Variants in AIM2 observed in about 807,000 individuals in gnomAD.
AIM2 encodes absent in melanoma 2.
A neutral mutation model predicts 27.7 loss-of-function variants in AIM2; 30 were observed. The observed-to-expected ratio is 1.08, with a 90% CI of 0.81 to 1.47. The LOEUF is 1.47. Among genes scored for constraint, AIM2 ranks in the 40% most tolerant of loss-of-function variants. The pLI, the probability that AIM2 is intolerant of heterozygous loss-of-function variation, is 0.00. For missense variants in AIM2, 358 were observed against 411.3 expected (o/e 0.87, Z 1.12); for synonymous variants, 141 against 145.3 (o/e 0.97, Z 0.21).
intron 1 of AIM2, among the ~76,000 whole-genome samples, chr1:159,133,187 CTCTCTT>C (rs1300586178): frequency 7.2e-6 from 1 of 138,784 alleles, no homozygotes; most frequent in African/African-American, 3.5e-5. Context: ...CTCTCTCTCT[CTCTCTT>C]TCTCTCTCTC....
At chr1:159,062,005 T>C (rs1655854390), downstream of AIM2, among the ~76,000 whole-genome samples, 1 of 152,152 alleles carries the variant, frequency 6.6e-6, no homozygotes, top group African/African-American at 2.4e-5. Flanking sequence ...GTATAAAGAG[T>C]GAGGAATGGC....
rs763503584 is a variant in AIM2, at chr1:159,062,722, G to T, written c.1006-4C>A. On this transcript the variant is annotated splice_polypyrimidine_tract_variant and splice_region_variant and intron_variant, in intron 5 of 5. Transcript: ENST00000368130. ...TTTTTTTTTTGGCCTTAATAACCTG[G>T]ATGGAGAAAAAAAACATGCAGTCTG... 6.2e-7 allele frequency: 1 copy of T among 1,611,436 alleles called. No individual in the cohort carries two copies. The highest frequency in any genetic ancestry group is 1.1e-5 in the South Asian group (1 of 90,496).
At position 159,084,120 on chromosome 1, in the gene AIM2, G is replaced by A. The variant is rs566430756; in HGVS notation, c.-15-17791C>T. 1.3e-4 allele frequency among the ~76,000 whole-genome samples: 20 copies of A among 152,304 alleles called. No homozygotes were observed. The East Asian group carries it at 3.9e-3, about 29-fold the overall frequency. On this transcript the variant is annotated intron_variant, in intron 1 of 2. Transcript: ENST00000368129. ...AGAGTTTAAAGAAGTTAAGTCATTTGCTCAAGGGTACCCTGCTAGTATGTG... is the reference window on the plus strand; with the variant it reads ...AGAGTTTAAAGAAGTTAAGTCATTTACTCAAGGGTACCCTGCTAGTATGTG...
chr1:159,124,307 CCAAGATGAAA>C (rs1647624847), intron 1 of AIM2, among the ~76,000 whole-genome samples: 2 of 152,114 alleles, frequency 1.3e-5, no homozygotes, highest in African/African-American at 4.8e-5. Flanking sequence ...GATATGGACT[CCAAGATGAAA>C]ATGTTTTTTA....
At chr1:159,100,334 A>G (rs1455810898) in intron 1 of AIM2, among the ~76,000 whole-genome samples, 2 of 152,210 alleles carry the variant, frequency 1.3e-5, no homozygotes, top group African/African-American at 4.8e-5. Flanking sequence ...TGATTTTTTT[A>G]AGTTCATCTT....
chr1:159,116,270 T>G (rs1460945119), intron 1 of AIM2, among the ~76,000 whole-genome samples: 2 of 152,148 alleles, frequency 1.3e-5, no homozygotes, highest in African/African-American at 2.4e-5. Flanking sequence ...TGGAAGTCAG[T>G]GTGGCGATTC....
chr1:159,126,476 T>C (rs1282056708), intron 1 of AIM2, among the ~76,000 whole-genome samples: 2 of 151,950 alleles, frequency 1.3e-5, no homozygotes, highest in East Asian at 3.9e-4. Context: ...TGAAACCCTG[T>C]CTCTACTAAA....
intron 2 of AIM2, among the ~76,000 whole-genome samples, chr1:159,071,538 T>A (rs886139276): frequency 6.6e-6 from 1 of 152,210 alleles, no homozygotes; most frequent in African/African-American, 2.4e-5. Flanking sequence ...AGACAGGGTC[T>A]CACTGTTGTT....
chr1:159,082,069 C>T (rs1385829616), intron 1 of AIM2, among the ~76,000 whole-genome samples: 1 of 152,066 alleles, frequency 6.6e-6, no homozygotes, highest in East Asian at 1.9e-4. Context: ...AATTACAAAA[C>T]ACCAAGGAGA....
chr1:159,136,556 C>T (rs111895898), intron 1 of AIM2, among the ~76,000 whole-genome samples: 2 of 152,142 alleles, frequency 1.3e-5, no homozygotes, highest in Non-Finnish European at 2.9e-5. Context: ...TATCATAATA[C>T]GCCATTTCTC....
At chr1:159,103,809 G>T (rs1222485475) in intron 1 of AIM2, among the ~76,000 whole-genome samples, 1 of 152,094 alleles carries the variant, frequency 6.6e-6, no homozygotes, top group Non-Finnish European at 1.5e-5. Flanking sequence ...TCTAGGGGGA[G>T]TTTTCTCCTT....
At chr1:159,133,016 C>G (rs1647932831) in intron 1 of AIM2, among the ~76,000 whole-genome samples, 1 of 152,212 alleles carries the variant, frequency 6.6e-6, no homozygotes, top group Non-Finnish European at 1.5e-5. Flanking sequence ...TTCCAGATAT[C>G]AACATGCAAA....
upstream of AIM2, among the ~76,000 whole-genome samples, chr1:159,145,246 ACATACC>A (rs1438062509): frequency 6.6e-6 from 1 of 152,180 alleles, no homozygotes; most frequent in Admixed American, 6.5e-5. Flanking sequence ...AAATGGACAT[ACATACC>A]CACAATGCAA....
chr1:159,064,563 T>C (rs1053906252), intron 4 of AIM2, among the ~76,000 whole-genome samples: 1 of 152,220 alleles, frequency 6.6e-6, no homozygotes, highest in Non-Finnish European at 1.5e-5. Context: ...CGCCCTGGGT[T>C]CAAGCGATTC....
intron 2 of AIM2, among the ~76,000 whole-genome samples, chr1:159,069,504 A>G (rs1656259434): frequency 6.6e-6 from 1 of 152,142 alleles, no homozygotes; most frequent in East Asian, 1.9e-4. Context: ...GTAGTAGTGA[A>G]AATGAATAAA....
intron 1 of AIM2, among the ~76,000 whole-genome samples, chr1:159,126,098 C>T (rs1200869407): frequency 6.6e-6 from 1 of 152,320 alleles, no homozygotes; most frequent in East Asian, 1.9e-4. Context: ...CTGCCTCTAA[C>T]TTGAATCTCT....
chr1:159,102,285 C>G (rs1657330901), intron 1 of AIM2, among the ~76,000 whole-genome samples: 1 of 152,228 alleles, frequency 6.6e-6, no homozygotes, highest in Non-Finnish European at 1.5e-5. Context: ...GTTTGGGAAC[C>G]TCTGCCTAGA....
chr1:159,070,536 C>G (rs1461000427), intron 2 of AIM2, among the ~76,000 whole-genome samples: 3 of 152,144 alleles, frequency 2.0e-5, no homozygotes, highest in Admixed American at 2.0e-4. Context: ...CACTCTCAGG[C>G]AGAAGAGGGC....
At chr1:159,060,703 T>C (rs1228949918), downstream of AIM2, among the ~76,000 whole-genome samples, 1 of 152,094 alleles carries the variant, frequency 6.6e-6, no homozygotes, top group Non-Finnish European at 1.5e-5. Context: ...GATCTATCCA[T>C]GTAGATGTGG....
Sources: allele counts gnomAD v4.1 joint callset (sites outside exome capture counted in the v4.1 genomes callset), GRCh38; gene constraint gnomAD v4.1.1; transcripts MANE v1.5; gene names NCBI Gene and HGNC (gene_info 2026-07-23, HGNC 2026-07-21).